PASD1: variants seen among roughly 807,000 people sequenced by gnomAD.
PASD1 encodes PAS domain containing repressor 1.
A neutral mutation model predicts 58.8 loss-of-function variants in PASD1; 13 were observed. The observed-to-expected ratio is 0.22, with a 90% CI of 0.14 to 0.35. The LOEUF is 0.35. Among genes scored for constraint, PASD1 ranks in the 10% least tolerant of loss-of-function variants. PASD1 has a pLI of 1.00. For synonymous variants in PASD1, 236 were observed against 216.7 expected, an observed-to-expected ratio of 1.09 and a Z score of -0.78; for missense variants, 734 against 568.3, an observed-to-expected ratio of 1.29 and a Z score of -2.96.
chrX:151,628,755 G>A (rs1569409204), intron 8 of PASD1, among the ~76,000 whole-genome samples: 2 of 111,678 alleles, frequency 1.8e-5, no homozygotes, highest in Non-Finnish European at 3.8e-5. Context: ...GATGGGGATG[G>A]CATTGAATCC....
chrX:151,620,923 C>T lies in PASD1; in HGVS notation c.208-7C>T, dbSNP rs182149983. ...TCCCTCCACCTCCTCCTCTCCTCTC[C>T]TGCCAGGCTGAGATTGTGGGCAAAA... is the stretch of plus-strand genomic sequence containing the variant. On this transcript the variant is annotated splice_region_variant and splice_polypyrimidine_tract_variant and intron_variant, in intron 4 of 15. Transcript: ENST00000370357. The T allele has an allele frequency of 2.4e-4, 284 of 1,193,609 alleles. 2 individuals are homozygous for T. The African/African-American group carries it at 4.5e-3, about 19-fold the overall frequency.
intron 15 of PASD1, 41 bp downstream of exon 15, chrX:151,674,227 A>G (rs2014516476): frequency 2.0e-5 from 24 of 1,201,429 alleles, no homozygotes; most frequent in Non-Finnish European, 2.4e-5. Context: ...GCGCAGGTCA[A>G]GAGGGATTCT....
chrX:151,590,862 G>A (rs771201144), intron 1 of PASD1, among the ~76,000 whole-genome samples: 1 of 112,277 alleles, frequency 8.9e-6, no homozygotes, highest in South Asian at 3.8e-4. Flanking sequence ...ACTGCACCCA[G>A]CCAGGACATG....
intron 4 of PASD1, among the ~76,000 whole-genome samples, chrX:151,617,398 G>A (rs1807805187): frequency 9.0e-6 from 1 of 111,385 alleles, no homozygotes; most frequent in African/African-American, 3.3e-5. Context: ...ACATCCAAGA[G>A]AATGTAGACT....
At position 151,625,482 on chromosome X, in the gene PASD1, C is replaced by T. The variant is rs1432580716; in HGVS notation, c.581C>T (p.Ala194Val). 8.3e-7 allele frequency: 1 copy of T among 1,209,571 alleles called. No individual in the cohort carries two copies. Among genetic ancestry groups the T allele is most frequent in the East Asian group, 3.0e-5 (1 of 33,783 alleles). ...ACTTCAAAGGCAGTCAGTGATGAAG[C>T]TGTACTTACACAAGATTCAGATGAG... ...LYTSKAVSDEAVLTQDSDEEP... is the reference protein window; with the variant it reads ...LYTSKAVSDEVVLTQDSDEEP... Residue 194 changes from alanine (A) to valine (V), a missense_variant, in exon 8 of 16, where the codon GCT (alanine) becomes GTT (valine). Transcript: ENST00000370357.
chrX:151,566,695 C>T (rs2012847485), intron 1 of PASD1, among the ~76,000 whole-genome samples: 2 of 111,998 alleles, frequency 1.8e-5, no homozygotes, highest in South Asian at 7.4e-4. Context: ...ACTGGGCGAG[C>T]ATCCCTAATT....
At chrX:151,581,400 TG>T (rs2013091915) in intron 1 of PASD1, among the ~76,000 whole-genome samples, 1 of 109,188 alleles carries the variant, frequency 9.2e-6, no homozygotes, top group South Asian at 4.1e-4. Flanking sequence ...AGGACCAGCC[TG>T]GGAAATATAG....
chrX:151,594,164 C>T (rs1352910832), intron 1 of PASD1, among the ~76,000 whole-genome samples: 9 of 110,124 alleles, frequency 8.2e-5, no homozygotes, highest in South Asian at 4.0e-4. Context: ...TAGTAGAGAC[C>T]GGGTTTCACT....
intron 9 of PASD1, among the ~76,000 whole-genome samples, chrX:151,658,032 C>A (rs773613154): frequency 9.0e-6 from 1 of 111,205 alleles, no homozygotes; most frequent in East Asian, 2.8e-4. Context: ...TGGGAACAGA[C>A]TTCTTGAATG....
chrX:151,640,328 G>A (rs945821770), intron 8 of PASD1, among the ~76,000 whole-genome samples: 1 of 112,321 alleles, frequency 8.9e-6, no homozygotes, highest in Non-Finnish European at 1.9e-5. Flanking sequence ...TGACTGAATA[G>A]TGACAAATAT....
intron 1 of PASD1, among the ~76,000 whole-genome samples, chrX:151,597,183 G>T (rs1370202906): frequency 2.7e-5 from 3 of 111,861 alleles, no homozygotes; most frequent in Non-Finnish European, 3.8e-5. Flanking sequence ...AATAGATTGG[G>T]TAATTTCTCT....
chrX:151,622,163 C>T (rs2013720051), intron 6 of PASD1, among the ~76,000 whole-genome samples: 1 of 110,559 alleles, frequency 9.0e-6, no homozygotes, highest in Non-Finnish European at 1.9e-5. Context: ...AAACCAAAAC[C>T]CAAATTTTTG....
In PASD1 at chrX:151,672,223, A is replaced by G; in HGVS notation, c.1478A>G (p.Gln493Arg). Residue 493 changes from glutamine (Q) to arginine (R), a missense_variant, in exon 14 of 16, where the codon CAG becomes CGG. Coordinates refer to ENST00000370357, the MANE Select transcript of PASD1 (RefSeq NM_173493.3). ...CAAGAACAACACCTGAAGGAGCAGC[A>G]GCGGCAGCTGCGGGAGCAGCTGCAA... ...VQQEQHLKEQ[Q>R]RQLREQLQQL... 4.4e-6 allele frequency: 5 copies of G among 1,138,015 alleles called. No individual in the cohort carries two copies. The highest frequency in any genetic ancestry group is 5.9e-6 in the Non-Finnish European group (5 of 851,021). 93.8% of individuals were successfully genotyped at this position (1,138,015 alleles called of 1,213,427 possible).
intron 8 of PASD1, among the ~76,000 whole-genome samples, chrX:151,630,093 A>G (rs774322704): frequency 4.4e-5 from 5 of 112,382 alleles, no homozygotes; most frequent in Non-Finnish European, 9.4e-5. Context: ...GTTCAAAACT[A>G]GACAATGGAT....
chrX:151,620,698 T>C lies in PASD1; in HGVS notation c.208-232T>C, dbSNP rs1264433508. ...GAGTCAAAATTTTCCCAGGCAAATA[T>C]GGTAGAGGGAAAGAGCACATAGGAG... On this transcript the variant is annotated intron_variant, in intron 4 of 15. Coordinates refer to ENST00000370357, the MANE Select transcript of PASD1 (RefSeq NM_173493.3). Among the ~76,000 whole-genome samples the C allele has an allele frequency of 2.7e-5, 3 of 110,508 alleles. No homozygotes were observed. The Admixed American group carries it at 2.9e-4, about 11-fold the overall frequency.
intron 1 of PASD1, among the ~76,000 whole-genome samples, chrX:151,571,707 C>T (rs1339830466): frequency 8.9e-6 from 1 of 112,028 alleles, no homozygotes; most frequent in African/African-American, 3.2e-5. Flanking sequence ...AAGTTGATGA[C>T]TTTTCTTTCA....
rs770078936 is a variant in PASD1 at position 151,641,836 on chromosome X, ACACACG to A, written c.630-6777_630-6772del. ...TACTTACACACACACACACACACAC[ACACACG>A]CGCGCGCGCGTATACCAGACATTTT... is the stretch of plus-strand genomic sequence containing the variant. On this transcript the variant is annotated intron_variant, in intron 8 of 15. Coordinates refer to ENST00000370357, the MANE Select transcript of PASD1 (RefSeq NM_173493.3). Among the ~76,000 whole-genome samples the A allele has an allele frequency of 2.1e-3, 216 of 101,306 alleles. 1 individual carries two copies. The highest frequency in any genetic ancestry group is 5.1e-3 in the Middle Eastern group (1 of 198). The allele number at this position is 101,306 out of a possible 115,157, so 88.0% of individuals were successfully genotyped here.
intron 1 of PASD1, among the ~76,000 whole-genome samples, chrX:151,588,533 C>T (rs754934962): frequency 1.4e-4 from 16 of 111,119 alleles, no homozygotes; most frequent in Non-Finnish European, 2.8e-4. Context: ...GTCAGTCTGG[C>T]TAAGCTGACT....
chrX:151,601,651 C>A, intron 2 of PASD1, 70 bp downstream of exon 2: 1 of 1,072,165 alleles, frequency 9.3e-7, no homozygotes, highest in Non-Finnish European at 1.3e-6. Context: ...CGTTTCACAT[C>A]TAGCAAAATG....
Sources: allele counts gnomAD v4.1 joint callset (sites outside exome capture counted in the v4.1 genomes callset), GRCh38; gene constraint gnomAD v4.1.1; transcripts MANE v1.5; gene names NCBI Gene and HGNC (gene_info 2026-07-23, HGNC 2026-07-21).